Variants in RASA2 observed in about 807,000 individuals in gnomAD.
RASA2 encodes ras GTPase-activating protein 2.
Under a neutral mutation model 118.2 loss-of-function variants are expected in RASA2, and 155 were observed. The ratio of observed to expected loss-of-function variants is 1.31; its 90% CI spans 1.15 to 1.50. The LOEUF is 1.50. RASA2 is among the 40% of genes most tolerant of loss of function. The pLI is 0.00. For synonymous variants in RASA2, 353 were observed against 349.1 expected, an observed-to-expected ratio of 1.01 and a Z score of -0.12; for missense variants, 1,016 against 1,009.6, an observed-to-expected ratio of 1.01 and a Z score of -0.09.
intron 9 of RASA2, among the ~76,000 whole-genome samples, chr3:141,570,217 C>CT (rs35327031): frequency 0.013 from 1,831 of 145,704 alleles, 22 homozygotes; most frequent in South Asian, 0.046. Flanking sequence ...GTCTTATCTA[C>CT]TTTTTTTTTT....
chr3:141,579,971 G>T (rs550637048), intron 15 of RASA2, among the ~76,000 whole-genome samples: 4 of 147,866 alleles, frequency 2.7e-5, no homozygotes, highest in African/African-American at 7.5e-5. Flanking sequence ...CAGGAGAATC[G>T]CTTGAACCCA....
At chr3:141,559,019 G>T in intron 8 of RASA2, 57 bp downstream of exon 8, 1 of 1,429,002 alleles carries the variant, frequency 7.0e-7, no homozygotes, top group Non-Finnish European at 9.6e-7. Flanking sequence ...GAAAATCCTA[G>T]ATTCAACCAA....
At chr3:141,521,476 A>G (rs1328402025) in intron 3 of RASA2, among the ~76,000 whole-genome samples, 2 of 152,186 alleles carry the variant, frequency 1.3e-5, no homozygotes, top group African/African-American at 2.4e-5. Context: ...AATGTTTAGT[A>G]ATTTTCGTCT....
chr3:141,566,693 G>A (rs1382555773), intron 9 of RASA2, among the ~76,000 whole-genome samples: 1 of 152,042 alleles, frequency 6.6e-6, no homozygotes, highest in African/African-American at 2.4e-5. Flanking sequence ...TGAAGGTATG[G>A]CTGAAACAAG....
intron 17 of RASA2, among the ~76,000 whole-genome samples, chr3:141,581,942 T>G (rs1446648031): frequency 1.3e-5 from 2 of 152,158 alleles, no homozygotes; most frequent in African/African-American, 4.8e-5. Context: ...TGCTGAAAAT[T>G]TATAAAGAAA....
intron 19 of RASA2, among the ~76,000 whole-genome samples, chr3:141,597,113 A>G (rs1423353736): frequency 6.6e-6 from 1 of 152,198 alleles, no homozygotes; most frequent in Non-Finnish European, 1.5e-5. Flanking sequence ...CACTATTAGC[A>G]ATACAGGCTG....
At chr3:141,489,998 G>C (rs1030584465) in intron 1 of RASA2, among the ~76,000 whole-genome samples, 9 of 150,512 alleles carry the variant, frequency 6.0e-5, no homozygotes, top group Admixed American at 6.0e-4. Flanking sequence ...GGGCTGGGGA[G>C]GAGGGAAGAA....
chr3:141,603,993 A>G (rs2107796935), intron 19 of RASA2, among the ~76,000 whole-genome samples: 1 of 152,324 alleles, frequency 6.6e-6, no homozygotes, highest in South Asian at 2.1e-4. Flanking sequence ...CAGTTGATGG[A>G]CATTTAGGTT....
At chr3:141,530,279 GTTGTTCACCTCGCT>G (rs906979546) in intron 4 of RASA2, among the ~76,000 whole-genome samples, 1 of 151,748 alleles carries the variant, frequency 6.6e-6, no homozygotes, top group Admixed American at 6.6e-5. Flanking sequence ...ACCCTTTCCT[GTTGTTCACCTCGCT>G]TTTTATTTGA....
At chr3:141,603,799 A>G (rs2083503733) in intron 19 of RASA2, among the ~76,000 whole-genome samples, 1 of 152,094 alleles carries the variant, frequency 6.6e-6, no homozygotes, top group African/African-American at 2.4e-5. Flanking sequence ...CTGTCTCTAT[A>G]GATTTGCCCA....
At chr3:141,580,084 AAATATATATATATATATAT>A (rs1279363877) in intron 15 of RASA2, among the ~76,000 whole-genome samples, 3 of 88,946 alleles carry the variant, frequency 3.4e-5, no homozygotes, top group African/African-American at 5.1e-5. Context: ...AAAAAAAAAA[AAATATATATATATATATAT>A]ATATATATAT....
intron 19 of RASA2, among the ~76,000 whole-genome samples, chr3:141,599,389 T>A (rs1480583496): frequency 6.6e-6 from 1 of 152,064 alleles, no homozygotes; most frequent in Non-Finnish European, 1.5e-5. Flanking sequence ...TAACAATCAC[T>A]AGACAAACAG....
At chr3:141,517,381 T>C (rs2082042383) in intron 3 of RASA2, among the ~76,000 whole-genome samples, 1 of 152,174 alleles carries the variant, frequency 6.6e-6, no homozygotes, top group South Asian at 2.1e-4. Context: ...CTTCTGCTTC[T>C]GGAAGGCCTC....
At chr3:141,487,274 GGCGGCGGGTTC>G in intron 1 of RASA2, 58 bp downstream of exon 1, 2 of 1,234,366 alleles carry the variant, frequency 1.6e-6, no homozygotes, top group African/African-American at 3.1e-5. Flanking sequence ...AGGCTGAGGG[GGCGGCGGGTTC>G]GCGGCGGTGG....
At chr3:141,605,336 C>A (rs2083530806) in intron 19 of RASA2, among the ~76,000 whole-genome samples, 1 of 152,068 alleles carries the variant, frequency 6.6e-6, no homozygotes, top group Non-Finnish European at 1.5e-5. Flanking sequence ...GCTTCTTTTT[C>A]TTCTTGTACT....
chr3:141,589,645 A>T (rs909722120), intron 19 of RASA2, among the ~76,000 whole-genome samples: 1 of 152,114 alleles, frequency 6.6e-6, no homozygotes, highest in Non-Finnish European at 1.5e-5. Flanking sequence ...GATCAAGACC[A>T]TCCTGGCCAA....
intron 10 of RASA2, 76 bp downstream of exon 10, chr3:141,571,144 T>C: frequency 7.1e-7 from 1 of 1,410,646 alleles, no homozygotes; most frequent in Non-Finnish European, 9.5e-7. Flanking sequence ...GGAAAAGATT[T>C]CAAGAGTATC....
chr3:141,508,259 A>C (rs758677287), intron 1 of RASA2, among the ~76,000 whole-genome samples: 1 of 152,228 alleles, frequency 6.6e-6, no homozygotes, highest in Non-Finnish European at 1.5e-5. Flanking sequence ...AAAAACCCTC[A>C]TACAAGGTTA....
At chr3:141,531,333 TATAGA>T (rs1327651000) in intron 4 of RASA2, among the ~76,000 whole-genome samples, 1 of 151,852 alleles carries the variant, frequency 6.6e-6, no homozygotes, top group African/African-American at 2.4e-5. Flanking sequence ...TAAAAATCTA[TATAGA>T]ATATAGAATT....
Sources: allele counts gnomAD v4.1 joint callset (sites outside exome capture counted in the v4.1 genomes callset), GRCh38; gene constraint gnomAD v4.1.1; transcripts MANE v1.5; gene names NCBI Gene and HGNC (gene_info 2026-07-23, HGNC 2026-07-21).